IL1R2: variants seen among roughly 807,000 people sequenced by gnomAD.
IL1R2 encodes interleukin 1 receptor type 2.
In IL1R2, 46 loss-of-function variants were observed where a neutral mutation model predicts 39.5. The ratio of observed to expected loss-of-function variants is 1.16; its 90% CI spans 0.92 to 1.49. IL1R2 has a LOEUF of 1.49. Ranked by LOEUF, IL1R2 falls within the 40% of genes most tolerant of loss-of-function variation. The probability of loss-of-function intolerance (pLI) is 0.00; values close to 1 mark genes in which losing one functional copy is unlikely to be tolerated. For missense variants in IL1R2, 537 were observed against 502.0 expected (o/e 1.07, Z -0.67); for synonymous variants, 207 against 189.6 (o/e 1.09, Z -0.75).
chr2:102,015,717 CTAAGT>C (rs1363453708), intron 3 of IL1R2, among the ~76,000 whole-genome samples, 149 bp from the exon 4 acceptor site: 2 of 152,204 alleles, frequency 1.3e-5, no homozygotes, highest in Non-Finnish European at 2.9e-5. Context: ...TCAAAAAATC[CTAAGT>C]TGAACCATCT....
chr2:102,010,015 T>C (rs544609893), intron 3 of IL1R2, 189 bp downstream of exon 3: 88 of 662,012 alleles, frequency 1.3e-4, no homozygotes, highest in African/African-American at 1.2e-3. Flanking sequence ...CCATTTAGTC[T>C]TTGCTCAAAT....
At position 102,008,537 on chromosome 2, in the gene IL1R2, T is replaced by A. The variant is rs753681579; in HGVS notation, c.-39T>A. On this transcript the variant is annotated 5_prime_UTR_variant, in exon 2 of 9. Transcript: ENST00000332549. ...TAGGCCACGTGCTGCTGGGTCTCAG[T>A]CCTCCACTTCCCGTGTCCTCTGGAA... 11 of 1,566,434 alleles carry A rather than the reference T, an allele frequency of 7.0e-6. No individual in the cohort carries two copies. The highest frequency in any genetic ancestry group is 9.7e-6 in the Non-Finnish European group (11 of 1,136,878).
At chr2:102,010,019 C>T (rs561173312) in intron 3 of IL1R2, 193 bp downstream of exon 3, 34 of 649,420 alleles carry the variant, frequency 5.2e-5, no homozygotes, top group Admixed American at 2.4e-4. Context: ...TTAGTCTTTG[C>T]TCAAATGCCA....
Position 102,011,084 on chromosome 2 carries a change from G to A in IL1R2, c.332+1258G>A, listed in dbSNP as rs576828836. Among the ~76,000 whole-genome samples the A allele has an allele frequency of 2.4e-4, 37 of 152,254 alleles. No individual in the cohort carries two copies. The East Asian group carries it at 7.1e-3, about 29-fold the overall frequency. On this transcript the variant is annotated intron_variant, in intron 3 of 8. Transcript: ENST00000332549. ...GAGTCAGAGTTTCCTTCCTTTATGA[G>A]GTGGAATATTATTATTCCGTTTTAT...
At chr2:102,024,811 G>C (rs1677636088) in intron 7 of IL1R2, 143 bp downstream of exon 7, 2 of 1,054,828 alleles carry the variant, frequency 1.9e-6, no homozygotes, top group African/African-American at 3.2e-5. Flanking sequence ...TTAAAAAATT[G>C]TATTTTGCTA....
intron 3 of IL1R2, among the ~76,000 whole-genome samples, chr2:102,012,033 C>T (rs935768043): frequency 2.6e-5 from 4 of 152,198 alleles, no homozygotes; most frequent in African/African-American, 9.7e-5. Context: ...TTGACATGTC[C>T]TACTCCTTCT....
At chr2:102,025,781 C>T (rs749451037) in intron 7 of IL1R2, among the ~76,000 whole-genome samples, 33 of 152,218 alleles carry the variant, frequency 2.2e-4, no homozygotes, top group Non-Finnish European at 3.7e-4. Context: ...TCAAACTAGA[C>T]GTTTCTGTTC....
Position 102,027,283 on chromosome 2 carries a change from G to A in IL1R2, c.1031-943G>A, listed in dbSNP as rs191624067. 3.9e-5 allele frequency among the ~76,000 whole-genome samples: 6 copies of A among 152,320 alleles called. No homozygotes were observed. The East Asian group carries it at 9.6e-4, about 24-fold the overall frequency. ...ATTTCCAGATGAGCAGGCTGGGAGAGATGGTGGTTGTACACATTTACCCAC... is the reference window on the plus strand; with the variant it reads ...ATTTCCAGATGAGCAGGCTGGGAGAAATGGTGGTTGTACACATTTACCCAC... On this transcript the variant is annotated intron_variant, in intron 8 of 8. Transcript: ENST00000332549.
At chr2:102,011,707 T>C (rs1452851382) in intron 3 of IL1R2, among the ~76,000 whole-genome samples, 2 of 152,262 alleles carry the variant, frequency 1.3e-5, no homozygotes, top group African/African-American at 4.8e-5. Context: ...CTAAGTTGCA[T>C]ATTCATTCTG....
At chr2:102,011,881 G>A (rs1676659777) in intron 3 of IL1R2, among the ~76,000 whole-genome samples, 2 of 152,026 alleles carry the variant, frequency 1.3e-5, no homozygotes, top group Non-Finnish European at 2.9e-5. Context: ...TATAGTTTTA[G>A]CTCTTTTGCT....
At chr2:102,027,755 C>A (rs1677822429) in intron 8 of IL1R2, among the ~76,000 whole-genome samples, 1 of 152,124 alleles carries the variant, frequency 6.6e-6, no homozygotes, top group South Asian at 2.1e-4. Flanking sequence ...CGCCAAGGAG[C>A]AGAACATAAA....
At chr2:102,006,877 G>T (rs549796093) in intron 1 of IL1R2, among the ~76,000 whole-genome samples, 1 of 152,334 alleles carries the variant, frequency 6.6e-6, no homozygotes, top group South Asian at 2.1e-4. Context: ...TTAGTTCCCA[G>T]TGTGGCCTCG....
chr2:102,024,664 C>A lies in IL1R2; in HGVS notation c.883C>A (p.Arg295Ser). Residue 295 changes from arginine (R) to serine (S), a missense_variant, in exon 7 of 9, where the codon CGC becomes AGC. Physicochemically the swap from Arg to Ser is moderately radical, Grantham distance 110. Coordinates refer to ENST00000332549, the MANE Select transcript of IL1R2 (RefSeq NM_004633.4). ...GGGAGGCCGCGTGACCGAGGGGCCA[C>A]GCCAGTAAGTGGGCCAGGGTCTTCT... is the stretch of plus-strand genomic sequence containing the variant. ...YPGGRVTEGP[R>S]QEYSENNENY... 6.2e-7 allele frequency: 1 copy of A among 1,614,148 alleles called. No homozygotes were observed. The highest frequency in any genetic ancestry group is 8.5e-7 in the Non-Finnish European group (1 of 1,180,000).
intron 3 of IL1R2, 150 bp downstream of exon 3, chr2:102,009,976 C>G (rs536495530): frequency 1.3e-5 from 11 of 823,328 alleles, no homozygotes; most frequent in Admixed American, 2.6e-5. Context: ...TCCTGACACC[C>G]CCCCCAACCC....
rs757535710 is a variant in IL1R2 at position 102,026,293 on chromosome 2, CAT to C, written c.1030+41_1030+42del. On this transcript the variant is annotated intron_variant, in intron 8 of 8. Transcript: ENST00000332549. The stretch of plus-strand genomic sequence containing the variant: ...TGGGGAGCACTATAGGAGAATATAA[CAT>C]GTTGAATGTTCCATGGATACTAGAC... 2.7e-6 allele frequency: 4 copies of C among 1,478,054 alleles called. No individual in the cohort carries two copies. In the Admixed American group the frequency reaches 8.3e-5, roughly 31 times the overall value. 91.6% of individuals were successfully genotyped at this position (1,478,054 alleles called of 1,614,324 possible).
intron 1 of IL1R2, chr2:102,002,077 A>C (rs1452126620): frequency 6.6e-6 from 1 of 152,252 alleles, no homozygotes; most frequent in Non-Finnish European, 1.5e-5. Flanking sequence ...AATTCAGTCC[A>C]GATATATTCA....
chr2:102,005,393 C>T lies in IL1R2; in HGVS notation c.-61-3122C>T, dbSNP rs77639062. On this transcript the variant is annotated intron_variant, in intron 1 of 8. Transcript: ENST00000332549. Reference sequence around the variant, plus strand: ...ATGCCTGACAGTACCTGGCAGGGCTCCTTCCCCTGGGATCTTTTTATAAAC... The same window carrying T: ...ATGCCTGACAGTACCTGGCAGGGCTTCTTCCCCTGGGATCTTTTTATAAAC... Among the ~76,000 whole-genome samples, 1,500 of 152,288 alleles carry T rather than the reference C, an allele frequency of 9.8e-3. 6 individuals are homozygous for T. Among genetic ancestry groups the T allele is most frequent in the Non-Finnish European group, 0.018 (1,213 of 68,030 alleles).
intron 3 of IL1R2, among the ~76,000 whole-genome samples, chr2:102,014,335 C>T (rs1163630347): frequency 9.9e-5 from 15 of 152,126 alleles, no homozygotes; most frequent in Admixed American, 6.6e-5. Context: ...AGTGAAATAA[C>T]GTGTGCAAAG....
chr2:101,996,688 A>G (rs1008150159), intron 1 of IL1R2, among the ~76,000 whole-genome samples: 3 of 151,470 alleles, frequency 2.0e-5, no homozygotes, highest in Non-Finnish European at 4.4e-5. Flanking sequence ...TTTGGAAGAA[A>G]ATATTTCCAA....
Sources: allele counts gnomAD v4.1 joint callset (sites outside exome capture counted in the v4.1 genomes callset), GRCh38; gene constraint gnomAD v4.1.1; transcripts MANE v1.5; gene names NCBI Gene and HGNC (gene_info 2026-07-23, HGNC 2026-07-21).